The following DCAF6 variants were observed in gnomAD, a reference collection of about 807,000 sequenced individuals.
DCAF6 encodes the protein DDB1- and CUL4-associated factor 6.
In DCAF6, 54 loss-of-function variants were observed where a neutral mutation model predicts 125.1. That is an observed-to-expected ratio of 0.43 (90% CI 0.35 to 0.54). The LOEUF is 0.54. DCAF6 is among the 20% of genes least tolerant of loss of function. DCAF6 has a pLI of 0.01. For missense variants in DCAF6, 934 were observed against 1,161.7 expected (o/e 0.80, Z 2.85); for synonymous variants, 371 against 390.4 (o/e 0.95, Z 0.58).
Position 167,967,714 on chromosome 1 carries a change from C to CTT in DCAF6, c.252+1018_252+1019dup, listed in dbSNP as rs552208317. Among the ~76,000 whole-genome samples, 487 of 74,588 alleles carry CTT rather than the reference C, an allele frequency of 6.5e-3. 70 individuals are homozygous for CTT. Among genetic ancestry groups the CTT allele is most frequent in the East Asian group, 0.038 (88 of 2,304 alleles). The allele number at this position is 74,588 out of a possible 152,430, so 48.9% of individuals were successfully genotyped here. A position where few individuals can be genotyped will look rare whatever the true frequency, so the allele number is the denominator to read the frequency against. On this transcript the variant is annotated intron_variant, in intron 3 of 21. Transcript: ENST00000367840. ...CCTGATTGTCTTAAATTTCCTGTATCTTTTTTTTTTTTTTTTTTTTTTTTT... is the reference window on the plus strand; with the variant it reads ...CCTGATTGTCTTAAATTTCCTGTATCTTTTTTTTTTTTTTTTTTTTTTTTTTT...
intron 12 of DCAF6, among the ~76,000 whole-genome samples, chr1:168,028,314 T>C (rs1447504121): frequency 6.6e-6 from 1 of 152,162 alleles, no homozygotes; most frequent in East Asian, 1.9e-4. Flanking sequence ...AAAAAGAATA[T>C]GTAATTGTTG....
chr1:168,002,474 T>A lies in DCAF6; in HGVS notation c.904-8T>A. The A allele has an allele frequency of 6.2e-7, 1 of 1,611,762 alleles. No individual in the cohort carries two copies. The highest frequency in any genetic ancestry group is 8.5e-7 in the Non-Finnish European group (1 of 1,178,280). On this transcript the variant is annotated splice_region_variant and splice_polypyrimidine_tract_variant and intron_variant, in intron 7 of 21. Coordinates refer to ENST00000367840, the MANE Select transcript of DCAF6 (RefSeq NM_001198956.2). Reference sequence around the variant, plus strand: ...CTTACATAGAATTTACCCGTTCTTATTTTTTAGTTGCGACAACCACCAGTT... The same window carrying A: ...CTTACATAGAATTTACCCGTTCTTAATTTTTAGTTGCGACAACCACCAGTT...
chr1:167,928,490 G>T, the DCAF6 span, among the ~76,000 whole-genome samples: 1 of 152,074 alleles, frequency 6.6e-6, no homozygotes, highest in Admixed American at 6.5e-5. Context: ...ATATAAAACA[G>T]ATACAGAGGC....
the DCAF6 span, among the ~76,000 whole-genome samples, chr1:167,873,770 T>C: frequency 2.6e-5 from 4 of 152,244 alleles, no homozygotes; most frequent in African/African-American, 7.2e-5. Flanking sequence ...GAAAAATATC[T>C]CCATGATTTT....
intron 12 of DCAF6, among the ~76,000 whole-genome samples, chr1:168,032,019 C>T (rs959137819): frequency 5.3e-5 from 8 of 152,158 alleles, no homozygotes; most frequent in African/African-American, 1.9e-4. Flanking sequence ...ATCGAAATCA[C>T]ATATTTAAGT....
At chr1:167,984,187 G>A (rs926355006) in intron 4 of DCAF6, among the ~76,000 whole-genome samples, 1 of 152,156 alleles carries the variant, frequency 6.6e-6, no homozygotes, top group Non-Finnish European at 1.5e-5. Context: ...AAATTTTGTA[G>A]TGTTGTCAGT....
In DCAF6 at chr1:167,936,792, C is replaced by T; in HGVS notation, c.-120C>T. 1 of 884,390 alleles carries T rather than the reference C, an allele frequency of 1.1e-6. No individual in the cohort carries two copies. Among genetic ancestry groups the T allele is most frequent in the East Asian group, 2.7e-5 (1 of 36,756 alleles). 54.8% of individuals were successfully genotyped at this position (884,390 alleles called of 1,614,324 possible). ...GCTGCCACCGCCATCTAACGCTGCG[C>T]CCTGGAGGCCCGGCGCGCGGATGGT... On this transcript the variant is annotated 5_prime_UTR_variant, in exon 1 of 22. Coordinates refer to ENST00000367840, the MANE Select transcript of DCAF6 (RefSeq NM_001198956.2).
At chr1:167,940,659 C>CAT (rs933010680) in intron 1 of DCAF6, among the ~76,000 whole-genome samples, 9 of 152,008 alleles carry the variant, frequency 5.9e-5, no homozygotes, top group Non-Finnish European at 1.3e-4. Context: ...TTTATTATCC[C>CAT]ATATATATAC....
At chr1:167,899,288 G>C in the DCAF6 span, 1 of 865,332 alleles carries the variant, frequency 1.2e-6, no homozygotes, top group Non-Finnish European at 1.9e-6. Context: ...AGCCTCTGTA[G>C]CCTAACCCAG....
intron 1 of DCAF6, among the ~76,000 whole-genome samples, chr1:167,948,815 C>A (rs890069541): frequency 6.6e-6 from 1 of 152,066 alleles, no homozygotes; most frequent in East Asian, 1.9e-4. Context: ...CCACACCCGG[C>A]TAATTTTTGT....
At chr1:167,960,370 C>A (rs1675399872) in intron 2 of DCAF6, among the ~76,000 whole-genome samples, 1 of 152,130 alleles carries the variant, frequency 6.6e-6, no homozygotes, top group Non-Finnish European at 1.5e-5. Flanking sequence ...GCGATCTCAG[C>A]TCACGGCAGC....
At position 168,016,196 on chromosome 1, in the gene DCAF6, G is replaced by A. The variant is rs149523505; in HGVS notation, c.1549+245G>A. On this transcript the variant is annotated intron_variant, in intron 11 of 21. Transcript: ENST00000367840. Reference sequence around the variant, plus strand: ...AAAAGTTGTAATATATTTGGAGAGGGGCAAATATTTATTACTTTTAAAGCT... The same window carrying A: ...AAAAGTTGTAATATATTTGGAGAGGAGCAAATATTTATTACTTTTAAAGCT... Among the ~76,000 whole-genome samples the A allele has an allele frequency of 2.1e-3, 318 of 152,112 alleles. 2 individuals carry two copies. The highest frequency in any genetic ancestry group is 7.2e-3 in the African/African-American group (297 of 41,482).
intron 16 of DCAF6, among the ~76,000 whole-genome samples, chr1:168,048,371 A>G (rs944616751): frequency 6.6e-6 from 1 of 152,252 alleles, no homozygotes; most frequent in African/African-American, 2.4e-5. Context: ...GAAGAACTAT[A>G]TAGTGGACCT....
chr1:167,990,669 A>T (rs1188595619), intron 5 of DCAF6, among the ~76,000 whole-genome samples: 1 of 152,182 alleles, frequency 6.6e-6, no homozygotes, highest in Non-Finnish European at 1.5e-5. Context: ...ATTGTCACAT[A>T]AATATGAGTT....
intron 17 of DCAF6, among the ~76,000 whole-genome samples, chr1:168,055,244 A>G (rs1054043263): frequency 1.3e-5 from 2 of 149,712 alleles, no homozygotes; most frequent in Non-Finnish European, 3.0e-5. Flanking sequence ...AAACTCTTCT[A>G]TTGAAGGAGA....
chr1:167,910,561 A>G, the DCAF6 span, among the ~76,000 whole-genome samples: 1 of 152,168 alleles, frequency 6.6e-6, no homozygotes, highest in African/African-American at 2.4e-5. Flanking sequence ...CTTCTCCTTG[A>G]GGTAGAAATT....
At chr1:167,883,692 C>T in the DCAF6 span, 2 of 1,502,086 alleles carry the variant, frequency 1.3e-6, no homozygotes, top group African/African-American at 2.8e-5. Context: ...CCAACACCGC[C>T]CCCACCTCAT....
At chr1:167,875,691 C>T in the DCAF6 span, among the ~76,000 whole-genome samples, 3 of 152,244 alleles carry the variant, frequency 2.0e-5, no homozygotes, top group Non-Finnish European at 4.4e-5. Context: ...TGACTCACGC[C>T]TGTAATCCCA....
At chr1:167,962,957 AAAAC>A (rs755153368) in intron 2 of DCAF6, among the ~76,000 whole-genome samples, 60 of 151,974 alleles carry the variant, frequency 3.9e-4, no homozygotes, top group Non-Finnish European at 5.7e-4. Flanking sequence ...TCCATCTCAA[AAAAC>A]AAACAAACAA....
Sources: gnomAD v4.1 joint callset for allele counts (sites outside exome capture counted in the v4.1 genomes callset) on GRCh38, gnomAD v4.1.1 for gene constraint, MANE v1.5 for transcripts, NCBI Gene and HGNC (gene_info 2026-07-23, HGNC 2026-07-21) for gene names.